The following PTPRQ variants were observed in gnomAD, a reference collection of about 807,000 sequenced individuals.
PTPRQ encodes the protein protein tyrosine phosphatase receptor type Q.
PTPRQ carries 199 observed loss-of-function variants against 246.0 expected under a neutral mutation model. That is an observed-to-expected ratio of 0.81 (90% confidence interval 0.72 to 0.91). PTPRQ has a LOEUF of 0.91. Ranked by LOEUF, PTPRQ falls within the 40% of genes least tolerant of loss-of-function variation. The pLI is 0.00. For synonymous variants in PTPRQ, 869 were observed against 853.2 expected, an observed-to-expected ratio of 1.02 and a Z score of -0.32; for missense variants, 2,624 against 2,528.4, an observed-to-expected ratio of 1.04 and a Z score of -0.81.
At chr12:80,466,135 G>T (rs1439244572) in intron 6 of PTPRQ, among the ~76,000 whole-genome samples, 6 of 152,150 alleles carry the variant, frequency 3.9e-5, no homozygotes, top group Admixed American at 3.3e-4. Flanking sequence ...ATCTCCTTAA[G>T]CTGATAAGCA....
At chr12:80,583,430 A>G (rs1324794615) in intron 25 of PTPRQ, among the ~76,000 whole-genome samples, 1 of 152,150 alleles carries the variant, frequency 6.6e-6, no homozygotes, top group Non-Finnish European at 1.5e-5. Flanking sequence ...GTGAAAGTAG[A>G]TTAGGCCTCT....
At chr12:80,673,327 G>T (rs1412667676) in intron 43 of PTPRQ, 23 bp downstream of exon 43, 1 of 1,535,674 alleles carries the variant, frequency 6.5e-7, no homozygotes, top group Non-Finnish European at 8.8e-7. Context: ...AACCTGCACT[G>T]CATTCTAAAG....
At chr12:80,663,436 C>T (rs1235452210) in intron 39 of PTPRQ, among the ~76,000 whole-genome samples, 1 of 151,856 alleles carries the variant, frequency 6.6e-6, no homozygotes, top group African/African-American at 2.4e-5. Flanking sequence ...AGAGAAGGGT[C>T]AAGTTGCCTC....
chr12:80,506,569 T>A lies in PTPRQ; in HGVS notation c.2456T>A (p.Val819Glu), dbSNP rs7965277. 4.3e-5 allele frequency: 66 copies of A among 1,519,660 alleles called. No individual in the cohort carries two copies. The highest frequency in any genetic ancestry group is 2.1e-4 in the Admixed American group (10 of 48,424). 94.1% of individuals were successfully genotyped at this position (1,519,660 alleles called of 1,614,324 possible). ...ACTTACCTATTTGATTTCTCTTTAGTACTGAAGAAATATACCCAATATATC... is the reference window on the plus strand; with the variant it reads ...ACTTACCTATTTGATTTCTCTTTAGAACTGAAGAAATATACCCAATATATC... ...NTTSLTQNIK[V>E]LKKYTQYIIE... Residue 819 changes from valine (V) to glutamate (E), a missense_variant and splice_region_variant, in exon 16 of 45, where the codon GTA (valine) becomes GAA (glutamate). Physicochemically the swap from Val to Glu is moderately radical, Grantham distance 121. Coordinates refer to ENST00000644991, the MANE Select transcript of PTPRQ (RefSeq NM_001145026.2).
In PTPRQ at chr12:80,486,993, C is replaced by G. The variant is rs146579262; in HGVS notation, c.1359+2388C>G. On this transcript the variant is annotated intron_variant, in intron 9 of 44. Coordinates refer to ENST00000644991, the MANE Select transcript of PTPRQ (RefSeq NM_001145026.2). ...AAAATGAAAGTTCAAAAAGCTAACT[C>G]TCTCTATTTTCTAACTTTTTAGTGA... is the stretch of plus-strand genomic sequence containing the variant. Among the ~76,000 whole-genome samples the G allele has an allele frequency of 8.0e-3, 1,224 of 152,220 alleles. 10 individuals are homozygous for G. The highest frequency in any genetic ancestry group is 0.027 in the Middle Eastern group (8 of 294).
At chr12:80,650,992 C>CT in intron 37 of PTPRQ, among the ~76,000 whole-genome samples, 1 of 151,672 alleles carries the variant, frequency 6.6e-6, no homozygotes. Flanking sequence ...TTTGATAAAC[C>CT]TTTTAACTCA....
chr12:80,584,838 G>T (rs1316771948), intron 25 of PTPRQ, among the ~76,000 whole-genome samples: 1 of 151,964 alleles, frequency 6.6e-6, no homozygotes, highest in East Asian at 1.9e-4. Context: ...TGAGGCATTT[G>T]AAAAAATTAT....
At position 80,462,272 on chromosome 12, in the gene PTPRQ, A is replaced by C. The variant is rs911684833; in HGVS notation, c.910+1370A>C. On this transcript the variant is annotated intron_variant, in intron 6 of 44. Coordinates refer to ENST00000644991, the MANE Select transcript of PTPRQ (RefSeq NM_001145026.2). The stretch of plus-strand genomic sequence containing the variant: ...GAGTCTGCCTGATTGCTAGCACAGC[A>C]GTCTGAGATCAAACTGCAAGGTGGC... 3 of 167,618 alleles carry C rather than the reference A, an allele frequency of 1.8e-5. No homozygotes were observed. The East Asian group carries it at 5.5e-4, about 31-fold the overall frequency. 10.4% of individuals were successfully genotyped at this position (167,618 alleles called of 1,614,324 possible).
chr12:80,481,250 A>G (rs530583088), intron 8 of PTPRQ, among the ~76,000 whole-genome samples: 5 of 152,358 alleles, frequency 3.3e-5, no homozygotes, highest in East Asian at 3.9e-4. Flanking sequence ...AATCCAGCAT[A>G]TAAACAGAAC....
intron 9 of PTPRQ, among the ~76,000 whole-genome samples, chr12:80,490,167 C>T (rs7132809): frequency 0.85 from 129,323 of 151,954 alleles, 55,898 homozygotes; most frequent in Non-Finnish European, 0.93. Flanking sequence ...CGGTATCCTT[C>T]AGAAAATTTC....
At chr12:80,584,422 A>G (rs1008014477) in intron 25 of PTPRQ, among the ~76,000 whole-genome samples, 1 of 152,222 alleles carries the variant, frequency 6.6e-6, no homozygotes, top group Non-Finnish European at 1.5e-5. Context: ...TCTTTCCTGG[A>G]CAAATCAAGT....
At chr12:80,548,593 C>T (rs879479596) in intron 24 of PTPRQ, among the ~76,000 whole-genome samples, 7 of 152,078 alleles carry the variant, frequency 4.6e-5, no homozygotes, top group Admixed American at 3.3e-4. Flanking sequence ...TTCTTTAAAG[C>T]ACTATGTTTT....
At chr12:80,637,988 C>G (rs1423470969) in intron 35 of PTPRQ, among the ~76,000 whole-genome samples, 1 of 152,160 alleles carries the variant, frequency 6.6e-6, no homozygotes, top group African/African-American at 2.4e-5. Flanking sequence ...AGCTAATAGG[C>G]TGGGCATAGT....
At chr12:80,673,026 CAA>C in intron 42 of PTPRQ, 141 bp from the exon 43 acceptor site, 1 of 1,245,144 alleles carries the variant, frequency 8.0e-7, no homozygotes, top group Non-Finnish European at 1.1e-6. Flanking sequence ...ATAAAAAATC[CAA>C]AGACACTCCA....
At chr12:80,581,804 A>C (rs1358584986) in intron 25 of PTPRQ, among the ~76,000 whole-genome samples, 1 of 152,210 alleles carries the variant, frequency 6.6e-6, no homozygotes, top group Non-Finnish European at 1.5e-5. Flanking sequence ...AAAAAGTAGA[A>C]AAAATACAAA....
intron 23 of PTPRQ, among the ~76,000 whole-genome samples, chr12:80,545,483 A>G (rs7957118): frequency 0.045 from 6,848 of 152,124 alleles, 183 homozygotes; most frequent in African/African-American, 0.062. Flanking sequence ...TTTATATCAC[A>G]TAGGAGATTA....
At chr12:80,450,889 T>C (rs1434788648) in intron 3 of PTPRQ, among the ~76,000 whole-genome samples, 1 of 152,240 alleles carries the variant, frequency 6.6e-6, no homozygotes, top group Non-Finnish European at 1.5e-5. Context: ...GATGCTGGCC[T>C]CATAAAATGA....
chr12:80,450,152 G>T (rs944283881), intron 3 of PTPRQ, among the ~76,000 whole-genome samples: 1 of 151,996 alleles, frequency 6.6e-6, no homozygotes, highest in African/African-American at 2.4e-5. Context: ...GTGAATGGGA[G>T]TTCACTCATG....
At chr12:80,630,805 C>T (rs1221329594) in intron 33 of PTPRQ, among the ~76,000 whole-genome samples, 1 of 152,140 alleles carries the variant, frequency 6.6e-6, no homozygotes, top group African/African-American at 2.4e-5. Flanking sequence ...CAACCTCCAC[C>T]TTCCGATTTC....
Sources: gnomAD v4.1 joint callset for allele counts (sites outside exome capture counted in the v4.1 genomes callset) on GRCh38, gnomAD v4.1.1 for gene constraint, MANE v1.5 for transcripts, NCBI Gene and HGNC (gene_info 2026-07-23, HGNC 2026-07-21) for gene names.